Variants in NCKAP5 observed in about 807,000 individuals in gnomAD.
NCKAP5 encodes the protein nck-associated protein 5.
Under a neutral mutation model 167.0 loss-of-function variants are expected in NCKAP5, and 92 were observed. The ratio of observed to expected loss-of-function variants is 0.55; its 90% CI spans 0.47 to 0.66. The LOEUF is 0.66. Among genes scored for constraint, NCKAP5 ranks in the 30% least tolerant of loss-of-function variants. The pLI is 0.00. For synonymous variants in NCKAP5, 891 were observed against 877.4 expected (o/e 1.02, Z -0.27); for missense variants, 2,378 against 2,315.0 (o/e 1.03, Z -0.56).
At chr2:133,600,392 G>GAA in the NCKAP5 span, among the ~76,000 whole-genome samples, 7 of 151,830 alleles carry the variant, frequency 4.6e-5, no homozygotes, top group African/African-American at 1.7e-4. Context: ...GGCCTCTAGG[G>GAA]AAAAAAAAGA....
At chr2:133,560,962 T>G (rs1688113608) in intron 1 of NCKAP5, among the ~76,000 whole-genome samples, 1 of 152,176 alleles carries the variant, frequency 6.6e-6, no homozygotes, top group Non-Finnish European at 1.5e-5. Flanking sequence ...AAAATAAATG[T>G]CCTAGAGAGA....
rs553550625 is a variant in NCKAP5, at chr2:132,931,884, A to T, written c.579+31836T>A. 8.5e-5 allele frequency among the ~76,000 whole-genome samples: 13 copies of T among 152,354 alleles called. 1 individual carries two copies. In the East Asian group the frequency reaches 2.1e-3, roughly 25 times the overall value. ...ATATAAAATTGTAAGTTGAGAAAAA[A>T]TACGATAGAAAGACATGTTACACTT... On this transcript the variant is annotated intron_variant, in intron 8 of 19. Transcript: ENST00000409261.
intron 3 of NCKAP5, among the ~76,000 whole-genome samples, chr2:133,314,149 G>A (rs1681443594): frequency 6.6e-6 from 1 of 152,078 alleles, no homozygotes; most frequent in Non-Finnish European, 1.5e-5. Flanking sequence ...AGCTATCCTG[G>A]GAGTCCAGTG....
chr2:133,518,266 A>T (rs1684176948), intron 2 of NCKAP5, among the ~76,000 whole-genome samples: 1 of 151,220 alleles, frequency 6.6e-6, no homozygotes, highest in South Asian at 2.1e-4. Flanking sequence ...AGGATTCATC[A>T]TATATGTTAA....
intron 6 of NCKAP5, among the ~76,000 whole-genome samples, chr2:133,109,273 C>T (rs916574582): frequency 3.9e-5 from 6 of 152,178 alleles, no homozygotes; most frequent in African/African-American, 9.7e-5. Context: ...TCAGGTGATG[C>T]GTGCTGCAGA....
intron 3 of NCKAP5, among the ~76,000 whole-genome samples, chr2:133,325,162 G>A (rs1452761010): frequency 6.6e-6 from 1 of 152,172 alleles, no homozygotes; most frequent in African/African-American, 2.4e-5. Context: ...CTGGGAGGGA[G>A]GAAGGCACTG....
chr2:132,736,339 G>GT (rs1210585679), intron 16 of NCKAP5, among the ~76,000 whole-genome samples: 2 of 152,186 alleles, frequency 1.3e-5, no homozygotes, highest in African/African-American at 4.8e-5. Flanking sequence ...AATTACAAGT[G>GT]TTAAGATATT....
At chr2:133,508,947 T>C (rs1683255663) in intron 3 of NCKAP5, among the ~76,000 whole-genome samples, 1 of 152,214 alleles carries the variant, frequency 6.6e-6, no homozygotes, top group Non-Finnish European at 1.5e-5. Context: ...ATGTGTCCAG[T>C]TCCTGTTTTT....
intron 4 of NCKAP5, among the ~76,000 whole-genome samples, chr2:133,232,707 G>T (rs111996136): frequency 7.6e-4 from 116 of 152,292 alleles, no homozygotes; most frequent in African/African-American, 2.7e-3. Context: ...AAGAGAATAT[G>T]AGCACTGATT....
At chr2:133,092,428 C>A (rs907033832) in intron 6 of NCKAP5, among the ~76,000 whole-genome samples, 3 of 152,188 alleles carry the variant, frequency 2.0e-5, no homozygotes, top group African/African-American at 7.2e-5. Flanking sequence ...TGAAGGAACT[C>A]AGCCCTGCCA....
chr2:133,099,653 G>A lies in NCKAP5; in HGVS notation c.341+30325C>T, dbSNP rs570169721. On this transcript the variant is annotated intron_variant, in intron 6 of 19. Transcript: ENST00000409261. ...TGCCTACCAAATGATCAGATAGATA[G>A]TACTATATTCTCAAAAAAACCCTTT... 4.6e-5 allele frequency among the ~76,000 whole-genome samples: 7 copies of A among 152,188 alleles called. No individual in the cohort carries two copies. The East Asian group carries it at 5.8e-4, about 13-fold the overall frequency.
At chr2:133,399,397 A>C (rs187594136) in intron 3 of NCKAP5, among the ~76,000 whole-genome samples, 3 of 151,664 alleles carry the variant, frequency 2.0e-5, no homozygotes, top group African/African-American at 7.3e-5. Flanking sequence ...AAAAAAAAAA[A>C]CAAAACATAA....
At chr2:133,518,183 A>G (rs753080603) in intron 2 of NCKAP5, among the ~76,000 whole-genome samples, 13 of 152,100 alleles carry the variant, frequency 8.5e-5, no homozygotes, top group Non-Finnish European at 1.8e-4. Flanking sequence ...TATTTTTACC[A>G]TATTAGATAT....
intron 5 of NCKAP5, among the ~76,000 whole-genome samples, chr2:133,154,705 G>A (rs547627178): frequency 6.6e-6 from 1 of 152,190 alleles, no homozygotes; most frequent in Non-Finnish European, 1.5e-5. Context: ...ATTCTCTGAG[G>A]AGCGTCACAA....
At chr2:132,966,695 A>G (rs1177355519) in intron 7 of NCKAP5, among the ~76,000 whole-genome samples, 1 of 152,150 alleles carries the variant, frequency 6.6e-6, no homozygotes, top group Non-Finnish European at 1.5e-5. Context: ...CTTACATTTA[A>G]CATATACTGT....
At chr2:132,877,557 A>G (rs1459604585) in intron 9 of NCKAP5, among the ~76,000 whole-genome samples, 4 of 152,242 alleles carry the variant, frequency 2.6e-5, no homozygotes, top group Admixed American at 1.3e-4. Context: ...TGCATTCCCA[A>G]TGAGGCCCTA....
At chr2:132,689,147 C>T (rs1389827425) in intron 19 of NCKAP5, among the ~76,000 whole-genome samples, 1 of 152,064 alleles carries the variant, frequency 6.6e-6, no homozygotes, top group Non-Finnish European at 1.5e-5. Flanking sequence ...GGCATGGAAC[C>T]ATGCCACATA....
intron 3 of NCKAP5, among the ~76,000 whole-genome samples, chr2:133,427,350 TGA>T (rs2151112616): frequency 6.6e-6 from 1 of 152,270 alleles, no homozygotes; most frequent in Non-Finnish European, 1.5e-5. Flanking sequence ...ACAAGAAGTA[TGA>T]GACAGAAGTA....
At chr2:133,583,326 T>A in the NCKAP5 span, among the ~76,000 whole-genome samples, 1 of 151,996 alleles carries the variant, frequency 6.6e-6, no homozygotes, top group Non-Finnish European at 1.5e-5. Context: ...TCACTGTGAG[T>A]TCACATGAGA....
Sources: allele counts gnomAD v4.1 joint callset (sites outside exome capture counted in the v4.1 genomes callset), GRCh38; gene constraint gnomAD v4.1.1; transcripts MANE v1.5; gene names NCBI Gene and HGNC (gene_info 2026-07-23, HGNC 2026-07-21).